Variants in TENM1 observed in about 807,000 individuals in gnomAD.
TENM1 encodes teneurin transmembrane protein 1.
TENM1 carries 35 observed loss-of-function variants against 174.8 expected under a neutral mutation model. The observed-to-expected ratio is 0.20, with a 90% CI of 0.15 to 0.27. The LOEUF is 0.27. TENM1 is among the 10% of genes least tolerant of loss of function. The pLI, the probability that TENM1 is intolerant of heterozygous loss-of-function variation, is 1.00. For missense variants in TENM1, 1,633 were observed against 2,130.1 expected, an observed-to-expected ratio of 0.77 and a Z score of 4.59; for synonymous variants, 781 against 798.7, an observed-to-expected ratio of 0.98 and a Z score of 0.37.
intron 20 of TENM1, 90 bp from the exon 24 acceptor site, chrX:124,487,319 C>T: frequency 1.2e-6 from 1 of 836,736 alleles, no homozygotes; most frequent in South Asian, 2.4e-5. Flanking sequence ...ACCAGACACA[C>T]CAATTCCTAA....
chrX:124,448,981 A>G (rs1335443536), intron 23 of TENM1, among the ~76,000 whole-genome samples: 2 of 111,591 alleles, frequency 1.8e-5, no homozygotes, highest in Non-Finnish European at 3.8e-5. Context: ...GATAATCTGG[A>G]CACTAATCAA....
the TENM1 span, among the ~76,000 whole-genome samples, chrX:125,085,974 T>G: frequency 9.0e-6 from 1 of 111,082 alleles, no homozygotes. Flanking sequence ...TCTTAAACTT[T>G]TAAAATATTT....
the TENM1 span, among the ~76,000 whole-genome samples, chrX:124,986,937 TG>T: frequency 9.0e-6 from 1 of 111,611 alleles, no homozygotes; most frequent in Non-Finnish European, 1.9e-5. Flanking sequence ...CCACCATGCT[TG>T]GTCAGAAGTA....
chrX:124,586,009 G>C lies in TENM1; in HGVS notation c.2078-20449C>G, dbSNP rs776458903. The stretch of plus-strand genomic sequence containing the variant: ...CAGGAAGAAGGTGACTCTCTGAATA[G>C]ACCAATAACAGGCTCTGAAATTGTG... On this transcript the variant is annotated intron_variant, in intron 11 of 31. Transcript: ENST00000422452. Among the ~76,000 whole-genome samples the C allele has an allele frequency of 9.1e-5, 10 of 110,474 alleles. No homozygotes were observed. In the East Asian group the frequency reaches 2.8e-3, roughly 31 times the overall value.
chrX:125,099,532 A>G, the TENM1 span, among the ~76,000 whole-genome samples: 1 of 111,971 alleles, frequency 8.9e-6, no homozygotes, highest in Non-Finnish European at 1.9e-5. Flanking sequence ...ATGTCATCAC[A>G]TCACAGGCAG....
At chrX:124,472,357 A>AAAAAAAAAAAAAAG (rs2061344149) in intron 22 of TENM1, among the ~76,000 whole-genome samples, 1 of 78,152 alleles carries the variant, frequency 1.3e-5, no homozygotes, top group African/African-American at 4.6e-5. Flanking sequence ...AAAAAAAAAA[A>AAAAAAAAAAAAAAG]GCGGCTGACT....
At chrX:125,203,426 C>A in the TENM1 span, among the ~76,000 whole-genome samples, 1 of 112,277 alleles carries the variant, frequency 8.9e-6, no homozygotes, top group African/African-American at 3.2e-5. Flanking sequence ...GCGCGAGAGC[C>A]GAGGCGAGGA....
At chrX:124,716,081 A>C (rs1167410966) in intron 4 of TENM1, among the ~76,000 whole-genome samples, 1 of 111,996 alleles carries the variant, frequency 8.9e-6, no homozygotes, top group Non-Finnish European at 1.9e-5. Flanking sequence ...TTATTCATAC[A>C]TGTACATTAA....
chrX:125,140,975 G>C, the TENM1 span, among the ~76,000 whole-genome samples: 1 of 111,348 alleles, frequency 9.0e-6, no homozygotes, highest in Non-Finnish European at 1.9e-5. Flanking sequence ...TTAGGGTAAA[G>C]GAAGGAGAGT....
Position 124,444,677 on chromosome X carries a change from A to G in TENM1, c.4104+8660T>C, listed in dbSNP as rs994711689. ...TTAAACAATCAATGGGCAAAAGGAAAAGAAACAATATAGAAAGGGAGTTGT... is the reference window on the plus strand; with the variant it reads ...TTAAACAATCAATGGGCAAAAGGAAGAGAAACAATATAGAAAGGGAGTTGT... On this transcript the variant is annotated intron_variant, in intron 23 of 31. Transcript: ENST00000422452. Among the ~76,000 whole-genome samples the G allele has an allele frequency of 2.7e-5, 3 of 111,036 alleles. No homozygotes were observed. In the Admixed American group the frequency reaches 2.9e-4, roughly 11 times the overall value.
intron 22 of TENM1, among the ~76,000 whole-genome samples, chrX:124,466,745 T>C (rs1296002390): frequency 7.2e-5 from 8 of 111,302 alleles, no homozygotes; most frequent in Admixed American, 6.7e-4. Flanking sequence ...CCTGGAAATG[T>C]CCCCAGTTTT....
At chrX:124,455,338 G>A (rs1393765833) in intron 22 of TENM1, among the ~76,000 whole-genome samples, 2 of 111,707 alleles carry the variant, frequency 1.8e-5, no homozygotes, top group Non-Finnish European at 3.8e-5. Flanking sequence ...TGATGATGGC[G>A]TATGAACAAT....
chrX:124,838,137 C>T (rs764822660), intron 3 of TENM1, among the ~76,000 whole-genome samples: 1 of 112,324 alleles, frequency 8.9e-6, no homozygotes. Context: ...AAGCAATTAG[C>T]TTTTCTGCTG....
At chrX:124,638,095 T>C (rs1017290773) in intron 11 of TENM1, among the ~76,000 whole-genome samples, 16 of 111,655 alleles carry the variant, frequency 1.4e-4, no homozygotes, top group Non-Finnish European at 3.8e-5. Context: ...TCCCTCATCA[T>C]TTCATTTGTT....
intron 27 of TENM1, among the ~76,000 whole-genome samples, chrX:124,404,656 C>T (rs1034499257): frequency 9.0e-6 from 1 of 111,213 alleles, no homozygotes. Context: ...AAAGCAGGGA[C>T]CTCGGTCAAC....
Position 124,754,641 on chromosome X carries a change from G to A in TENM1, c.536-17444C>T, listed in dbSNP as rs371267128. Among the ~76,000 whole-genome samples, 946 of 109,270 alleles carry A rather than the reference G, an allele frequency of 8.7e-3. 7 individuals are homozygous for A. The highest frequency in any genetic ancestry group is 0.03 in the African/African-American group (882 of 29,822). The allele number at this position is 109,270 out of a possible 115,157, so 94.9% of individuals were successfully genotyped here. ...TGGGCATTTAGTGCTATAAATTTCC[G>A]TCTACACACTGCTTTGAATGTGTCC... On this transcript the variant is annotated intron_variant, in intron 3 of 31. Transcript: ENST00000422452.
intron 3 of TENM1, among the ~76,000 whole-genome samples, chrX:124,772,588 T>C (rs906094773): frequency 1.8e-5 from 2 of 112,031 alleles, no homozygotes; most frequent in Non-Finnish European, 3.8e-5. Context: ...AAACATTTTT[T>C]AAAAATATGG....
chrX:124,491,726 CA>C (rs1417706975), intron 20 of TENM1, among the ~76,000 whole-genome samples: 1 of 111,901 alleles, frequency 8.9e-6, no homozygotes, highest in East Asian at 2.8e-4. Context: ...GATTGGCAAC[CA>C]ATGAAAATGA....
intron 11 of TENM1, among the ~76,000 whole-genome samples, chrX:124,611,581 G>A (rs1227036078): frequency 1.8e-5 from 2 of 111,187 alleles, no homozygotes; most frequent in African/African-American, 6.5e-5. Context: ...AATATACAAA[G>A]AAAGCCAGCA....
Sources: gnomAD v4.1 joint callset for allele counts (sites outside exome capture counted in the v4.1 genomes callset) on GRCh38, gnomAD v4.1.1 for gene constraint, MANE v1.5 for transcripts, NCBI Gene and HGNC (gene_info 2026-07-23, HGNC 2026-07-21) for gene names.